The following TPTE2 variants were observed in gnomAD, a reference collection of about 807,000 sequenced individuals.
TPTE2 encodes the protein transmembrane phosphoinositide 3-phosphatase and tensin homolog 2.
TPTE2 carries 53 observed loss-of-function variants against 78.6 expected under a neutral mutation model. That is an observed-to-expected ratio of 0.67 (90% CI 0.54 to 0.85). The LOEUF (loss-of-function observed/expected upper bound fraction) is 0.85, where lower values mean the gene tolerates loss of function less well. Ranked by LOEUF, TPTE2 falls within the 40% of genes least tolerant of loss-of-function variation. The pLI is 0.00. For synonymous variants in TPTE2, 175 were observed against 206.2 expected (o/e 0.85, Z 1.30); for missense variants, 461 against 623.0 (o/e 0.74, Z 2.77).
chr13:19,446,681 C>G (rs888748499), intron 13 of TPTE2, among the ~76,000 whole-genome samples: 1 of 152,188 alleles, frequency 6.6e-6, no homozygotes, highest in Non-Finnish European at 1.5e-5. Flanking sequence ...TGGCTCATGC[C>G]TGTAATCCCA....
intron 3 of TPTE2, 49 bp downstream of exon 6, chr13:19,492,801 C>T (rs1185521517): frequency 6.2e-7 from 1 of 1,605,754 alleles, no homozygotes; most frequent in Non-Finnish European, 8.5e-7. Flanking sequence ...GTGTGTACAG[C>T]TCTATGCACT....
upstream of TPTE2, among the ~76,000 whole-genome samples, chr13:19,506,160 CTTTTTTTTTTTT>C (rs71092369): frequency 1.8e-4 from 6 of 32,862 alleles, no homozygotes; most frequent in African/African-American, 2.3e-4. Flanking sequence ...GTATATAAAT[CTTTTTTTTTTTT>C]TTTTTTTTTT....
upstream of TPTE2, among the ~76,000 whole-genome samples, chr13:19,540,951 C>T (rs1871421249): frequency 6.6e-6 from 1 of 152,182 alleles, no homozygotes; most frequent in Non-Finnish European, 1.5e-5. Flanking sequence ...AAAACATGCA[C>T]TTATTTTCTC....
At chr13:19,460,118 G>A (rs1390935082) in intron 10 of TPTE2, among the ~76,000 whole-genome samples, 1 of 152,220 alleles carries the variant, frequency 6.6e-6, no homozygotes, top group Non-Finnish European at 1.5e-5. Flanking sequence ...AAACTCCTGG[G>A]TTTCTGTGTG....
Position 19,465,606 on chromosome 13 carries a change from G to T in TPTE2, c.513-42C>A, listed in dbSNP as rs760442039. The T allele has an allele frequency of 2.7e-6, 4 of 1,490,604 alleles. No homozygotes were observed. The South Asian group carries it at 5.1e-5, about 19-fold the overall frequency. 92.3% of individuals were successfully genotyped at this position (1,490,604 alleles called of 1,614,324 possible). ...AAGATCCATTTTTGCTTCAGAAACA[G>T]AATTTTATCAATATAAACTATGTCT... On this transcript the variant is annotated intron_variant, in intron 7 of 19. Coordinates refer to ENST00000400230, the Ensembl canonical transcript of TPTE2.
At chr13:19,531,526 A>G (rs909421304) in intron 1 of TPTE2, among the ~76,000 whole-genome samples, 5 of 152,112 alleles carry the variant, frequency 3.3e-5, no homozygotes, top group Admixed American at 6.6e-5. Context: ...AAGAAAGAAA[A>G]TAGTATTTTT....
chr13:19,443,397 C>CTTTTTTTTTTTTTTTTTTCT (rs71092357), intron 13 of TPTE2, among the ~76,000 whole-genome samples: 1 of 129,912 alleles, frequency 7.7e-6, no homozygotes, highest in Non-Finnish European at 1.6e-5. Context: ...TTCTTTCTTT[C>CTTTTTTTTTTTTTTTTTTCT]TTTTTTTTTT....
At chr13:19,539,818 T>C (rs9508433), upstream of TPTE2, among the ~76,000 whole-genome samples, 94,505 of 152,054 alleles carry the variant, frequency 0.62, 33,051 homozygotes, top group East Asian at 0.88. Flanking sequence ...CTCCCTATGA[T>C]GATTTTACAA....
intron 4 of TPTE2, among the ~76,000 whole-genome samples, chr13:19,479,152 G>C (rs189226233): frequency 6.6e-6 from 1 of 152,144 alleles, no homozygotes; most frequent in East Asian, 1.9e-4. Context: ...AGAACTTAAA[G>C]TATAATAATA....
In TPTE2 at chr13:19,453,153, G is replaced by C. The variant is rs1461077692; in HGVS notation, c.742-1928C>G. Among the ~76,000 whole-genome samples, 7 of 151,910 alleles carry C rather than the reference G, an allele frequency of 4.6e-5. No homozygotes were observed. In the East Asian group the frequency reaches 1.4e-3, roughly 29 times the overall value. ...AGCAATTCTCCTGCCTCAGCCTTCT[G>C]AGTAGCTGGGATTACAGGTGCCTGC... On this transcript the variant is annotated intron_variant, in intron 10 of 19. Coordinates refer to ENST00000400230, the Ensembl canonical transcript of TPTE2.
At chr13:19,556,604 G>A in the TPTE2 span, among the ~76,000 whole-genome samples, 1 of 152,014 alleles carries the variant, frequency 6.6e-6, no homozygotes, top group Admixed American at 6.6e-5. Context: ...GTGGCTCACT[G>A]CAGCCTCAAA....
chr13:19,430,739 G>A (rs1210615758), intron 16 of TPTE2, among the ~76,000 whole-genome samples, 192 bp from the exon 20 acceptor site: 3 of 152,140 alleles, frequency 2.0e-5, no homozygotes, highest in Non-Finnish European at 4.4e-5. Context: ...GTCTCCTAAA[G>A]CAGATTTTAT....
upstream of TPTE2, among the ~76,000 whole-genome samples, chr13:19,539,105 ATG>A (rs1243029618): frequency 2.0e-5 from 3 of 152,158 alleles, no homozygotes; most frequent in Admixed American, 6.5e-5. Flanking sequence ...CCATTAATCC[ATG>A]TGTGGATTAA....
chr13:19,508,449 G>GA (rs549965683), intron 1 of TPTE2, among the ~76,000 whole-genome samples: 305 of 152,150 alleles, frequency 2.0e-3, no homozygotes, highest in Middle Eastern at 3.4e-3. Flanking sequence ...GGAAGATGTT[G>GA]AAACATGAAA....
intron 4 of TPTE2, among the ~76,000 whole-genome samples, chr13:19,478,351 G>C (rs1429018533): frequency 6.6e-6 from 1 of 152,118 alleles, no homozygotes; most frequent in African/African-American, 2.4e-5. Context: ...GTGGGCAAAG[G>C]ATATGAACAG....
At chr13:19,429,445 A>G (rs924973818) in intron 17 of TPTE2, among the ~76,000 whole-genome samples, 2 of 152,250 alleles carry the variant, frequency 1.3e-5, no homozygotes, top group South Asian at 4.1e-4. Flanking sequence ...AGAGGCAGAG[A>G]GAAAGCTCCT....
At chr13:19,427,414 A>C (rs1231431198) in intron 17 of TPTE2, among the ~76,000 whole-genome samples, 3 of 151,992 alleles carry the variant, frequency 2.0e-5, no homozygotes, top group African/African-American at 7.2e-5. Context: ...CTGCACTTTT[A>C]AAAAGTATTG....
At chr13:19,448,673 G>A (rs1877987447) in intron 13 of TPTE2, among the ~76,000 whole-genome samples, 1 of 63,376 alleles carries the variant, frequency 1.6e-5, no homozygotes, top group Non-Finnish European at 5.4e-5. Flanking sequence ...GAGTTGGTGA[G>A]GATGAAGAGA....
chr13:19,477,283 T>C (rs1593382989), intron 4 of TPTE2, among the ~76,000 whole-genome samples: 2 of 150,432 alleles, frequency 1.3e-5, no homozygotes, highest in East Asian at 3.9e-4. Flanking sequence ...ACCTGGATGA[T>C]GAAATAATAT....
Sources: allele counts gnomAD v4.1 joint callset (sites outside exome capture counted in the v4.1 genomes callset), GRCh38; gene constraint gnomAD v4.1.1; transcripts MANE v1.5; gene names NCBI Gene and HGNC (gene_info 2026-07-23, HGNC 2026-07-21).